The following NEGR1 variants were observed in gnomAD, a reference collection of about 807,000 sequenced individuals.
NEGR1 encodes the protein IgLON family member 4.
NEGR1 carries 10 observed loss-of-function variants against 40.9 expected under a neutral mutation model. That is an observed-to-expected ratio of 0.24 (90% confidence interval 0.15 to 0.42). The LOEUF (loss-of-function observed/expected upper bound fraction) is 0.42. Among genes scored for constraint, NEGR1 ranks in the 10% least tolerant of loss-of-function variants. The pLI is 1.00. For synonymous variants in NEGR1, 185 were observed against 166.8 expected (o/e 1.11, Z -0.84); for missense variants, 352 against 438.9 (o/e 0.80, Z 1.77).
intron 2 of NEGR1, among the ~76,000 whole-genome samples, chr1:71,899,619 C>T (rs1001750357): frequency 6.6e-6 from 1 of 152,120 alleles, no homozygotes; most frequent in African/African-American, 2.4e-5. Flanking sequence ...AAATTAAACC[C>T]TATATTTATT....
chr1:72,095,641 A>C (rs557986990), intron 1 of NEGR1, among the ~76,000 whole-genome samples: 1 of 151,962 alleles, frequency 6.6e-6, no homozygotes, highest in African/African-American at 2.4e-5. Context: ...ATCTACATAT[A>C]CATATATATA....
chr1:72,062,140 C>T lies in NEGR1; in HGVS notation c.177-126829G>A, dbSNP rs77401337. ...TTATGTTCCTGAATCTAAACAAGAT[C>T]CACTGTCTGTGTGTATGGCTATACC... On this transcript the variant is annotated intron_variant, in intron 1 of 6. Coordinates refer to ENST00000357731, the MANE Select transcript of NEGR1 (RefSeq NM_173808.3). 8.4e-4 allele frequency among the ~76,000 whole-genome samples: 127 copies of T among 151,982 alleles called. 1 individual carries two copies. Among genetic ancestry groups the T allele is most frequent in the African/African-American group, 2.8e-3 (115 of 41,522 alleles).
intron 4 of NEGR1, among the ~76,000 whole-genome samples, chr1:71,686,371 G>C (rs769038182): frequency 7.2e-5 from 11 of 152,116 alleles, no homozygotes; most frequent in African/African-American, 2.2e-4. Flanking sequence ...GGAGTGAAAG[G>C]GGGTAGGGGT....
chr1:72,133,450 T>C (rs1420731280), intron 1 of NEGR1, among the ~76,000 whole-genome samples: 4 of 152,058 alleles, frequency 2.6e-5, no homozygotes, highest in Non-Finnish European at 5.9e-5. Context: ...TATTTTGTTC[T>C]ATGTAGTAAA....
chr1:71,905,359 T>C (rs1017066238), intron 2 of NEGR1, among the ~76,000 whole-genome samples: 2 of 152,146 alleles, frequency 1.3e-5, no homozygotes, highest in South Asian at 2.1e-4. Flanking sequence ...TTTTATATTT[T>C]TCTAATCTCA....
chr1:72,151,077 A>G (rs1269261464), intron 1 of NEGR1, among the ~76,000 whole-genome samples: 1 of 151,960 alleles, frequency 6.6e-6, no homozygotes. Flanking sequence ...TCGTCCTCAT[A>G]GAATAATAAT....
intron 4 of NEGR1, among the ~76,000 whole-genome samples, chr1:71,613,782 A>G (rs983463605): frequency 6.6e-6 from 1 of 152,198 alleles, no homozygotes; most frequent in Admixed American, 6.5e-5. Flanking sequence ...ACACTATAGA[A>G]AATTATTAAT....
At chr1:71,702,425 T>G (rs1653727819) in intron 3 of NEGR1, among the ~76,000 whole-genome samples, 1 of 152,050 alleles carries the variant, frequency 6.6e-6, no homozygotes, top group South Asian at 2.1e-4. Flanking sequence ...CATTTGGTTA[T>G]GCCAGAACAG....
intron 6 of NEGR1, among the ~76,000 whole-genome samples, chr1:71,544,261 G>C (rs960092298): frequency 1.3e-5 from 2 of 151,648 alleles, no homozygotes; most frequent in African/African-American, 2.4e-5. Context: ...TGCATCAAAA[G>C]TGTCTAGGGG....
intron 4 of NEGR1, among the ~76,000 whole-genome samples, chr1:71,619,625 T>A (rs1266784567): frequency 6.6e-6 from 1 of 151,984 alleles, no homozygotes; most frequent in Non-Finnish European, 1.5e-5. Flanking sequence ...ATTAGACAGA[T>A]GTGAGTAAGA....
intron 2 of NEGR1, among the ~76,000 whole-genome samples, chr1:71,818,055 C>T (rs760139488): frequency 3.3e-5 from 5 of 151,950 alleles, no homozygotes; most frequent in Non-Finnish European, 7.4e-5. Flanking sequence ...GCCAGCAAGG[C>T]TGTAAAAAGA....
chr1:72,041,515 C>A (rs1445414232), intron 1 of NEGR1, among the ~76,000 whole-genome samples: 2 of 148,092 alleles, frequency 1.4e-5, no homozygotes, highest in African/African-American at 5.0e-5. Context: ...TACTCAAGGA[C>A]TTAGGACTAA....
chr1:71,448,090 A>G (rs574414619), intron 6 of NEGR1, among the ~76,000 whole-genome samples: 30 of 152,220 alleles, frequency 2.0e-4, no homozygotes, highest in Non-Finnish European at 5.9e-5. Flanking sequence ...TGCTTGACCA[A>G]GGGAAACACG....
chr1:72,208,332 T>C (rs1000617641), intron 1 of NEGR1, among the ~76,000 whole-genome samples: 2 of 151,760 alleles, frequency 1.3e-5, no homozygotes, highest in Non-Finnish European at 3.0e-5. Flanking sequence ...TTTATGCCAA[T>C]GCATTTCTGT....
intron 5 of NEGR1, among the ~76,000 whole-genome samples, chr1:71,594,577 C>T (rs1649627411): frequency 6.6e-6 from 1 of 152,154 alleles, no homozygotes; most frequent in Non-Finnish European, 1.5e-5. Flanking sequence ...ATTGAACAAA[C>T]TTTAGCTTGA....
At chr1:71,563,554 T>C (rs1035469635) in intron 6 of NEGR1, among the ~76,000 whole-genome samples, 1 of 151,942 alleles carries the variant, frequency 6.6e-6, no homozygotes, top group African/African-American at 2.4e-5. Context: ...GAAAGACAAG[T>C]AAATGGTTGC....
chr1:71,801,970 C>T (rs968063743), intron 2 of NEGR1, among the ~76,000 whole-genome samples: 6 of 152,080 alleles, frequency 3.9e-5, no homozygotes, highest in African/African-American at 1.4e-4. Flanking sequence ...CTGGTAGGGT[C>T]TCAGCTGAAA....
chr1:71,955,928 C>T (rs2100284793), intron 1 of NEGR1, among the ~76,000 whole-genome samples: 1 of 152,258 alleles, frequency 6.6e-6, no homozygotes, highest in Non-Finnish European at 1.5e-5. Flanking sequence ...TATGTTCACA[C>T]ATTGTCTATA....
At chr1:72,031,699 A>G (rs934016520) in intron 1 of NEGR1, among the ~76,000 whole-genome samples, 2 of 152,080 alleles carry the variant, frequency 1.3e-5, no homozygotes, top group African/African-American at 4.8e-5. Context: ...AGGTCCAGAG[A>G]GATTCTAGTA....
Sources: allele counts gnomAD v4.1 joint callset (sites outside exome capture counted in the v4.1 genomes callset), GRCh38; gene constraint gnomAD v4.1.1; transcripts MANE v1.5; gene names NCBI Gene and HGNC (gene_info 2026-07-23, HGNC 2026-07-21).